The following NR5A2 variants were observed in gnomAD, a reference collection of about 807,000 sequenced individuals.
NR5A2 encodes the protein nuclear receptor subfamily 5 group A member 2.
In NR5A2, 26 loss-of-function variants were observed where a neutral mutation model predicts 62.7. The ratio of observed to expected loss-of-function variants is 0.41; its 90% CI spans 0.30 to 0.58. The LOEUF is 0.58. Ranked by LOEUF, NR5A2 falls within the 20% of genes least tolerant of loss-of-function variation. The pLI, the probability that NR5A2 is intolerant of heterozygous loss-of-function variation, is 0.22. For synonymous variants in NR5A2, 246 were observed against 241.7 expected, an observed-to-expected ratio of 1.02 and a Z score of -0.16; for missense variants, 541 against 669.1, an observed-to-expected ratio of 0.81 and a Z score of 2.11.
chr1:200,153,007 C>A (rs1653201104), intron 7 of NR5A2, among the ~76,000 whole-genome samples: 1 of 152,224 alleles, frequency 6.6e-6, no homozygotes, highest in Non-Finnish European at 1.5e-5. Context: ...CAAGGTTAGC[C>A]TTTCTATTTG....
At chr1:200,049,334 C>T (rs1228263718) in intron 5 of NR5A2, among the ~76,000 whole-genome samples, 1 of 152,108 alleles carries the variant, frequency 6.6e-6, no homozygotes, top group Non-Finnish European at 1.5e-5. Context: ...TTTGCCTTGA[C>T]ATTAGGTTGG....
chr1:200,037,812 CAATT>C (rs1661848676), intron 1 of NR5A2, among the ~76,000 whole-genome samples: 3 of 152,238 alleles, frequency 2.0e-5, no homozygotes, highest in Admixed American at 1.3e-4. Flanking sequence ...AATGACAAAT[CAATT>C]AAGAGTCAGT....
In NR5A2 at chr1:200,048,682, A is replaced by T; in HGVS notation, c.974A>T (p.Tyr325Phe). ...CAAGTCCAGGCTAAAATCATGGCCTATTTGCAGCAAGAGCAGGCTAACCGA... is the reference window on the plus strand; with the variant it reads ...CAAGTCCAGGCTAAAATCATGGCCTTTTTGCAGCAAGAGCAGGCTAACCGA... Reference protein sequence around the residue: ...EPQVQAKIMAYLQQEQANRSK... With the variant: ...EPQVQAKIMAFLQQEQANRSK... The change falls in exon 5 of 8, where the codon TAT (tyrosine) becomes TTT (phenylalanine). Residue 325 changes from tyrosine to phenylalanine, a missense_variant. By Grantham distance (22) the Tyr-to-Phe change is conservative (BLOSUM62 3). Coordinates refer to ENST00000367362, the MANE Select transcript of NR5A2 (RefSeq NM_205860.3). This position sits in a 1 kb window ranked among gnomAD's most constrained non-coding sequence, Gnocchi z 4.8. 1.2e-6 allele frequency: 2 copies of T among 1,614,194 alleles called. No homozygotes were observed. Among genetic ancestry groups the T allele is most frequent in the Non-Finnish European group, 1.7e-6 (2 of 1,180,038 alleles).
intron 7 of NR5A2, among the ~76,000 whole-genome samples, chr1:200,170,098 T>C (rs1019170641): frequency 3.3e-5 from 5 of 152,330 alleles, no homozygotes; most frequent in African/African-American, 1.2e-4. Flanking sequence ...GTCTAGATTT[T>C]GGTTTTTTTA....
chr1:200,068,890 T>A (rs894346917), intron 5 of NR5A2, among the ~76,000 whole-genome samples: 12 of 152,344 alleles, frequency 7.9e-5, no homozygotes, highest in African/African-American at 2.9e-4. Context: ...GATTTAAGTC[T>A]ATACTACCCA....
rs10919798 is a variant in NR5A2 at position 200,030,927 on chromosome 1, C to T, written c.64+3016C>T. On this transcript the variant is annotated intron_variant, in intron 1 of 7. Transcript: ENST00000367362. ...GAGTCTGATTTTATTTCAGTGATAACCTCCAGCAAGCTCTGTGCTCATAAG... is the reference window on the plus strand; with the variant it reads ...GAGTCTGATTTTATTTCAGTGATAATCTCCAGCAAGCTCTGTGCTCATAAG... Among the ~76,000 whole-genome samples the T allele has an allele frequency of 4.8e-3, 728 of 152,304 alleles. 7 individuals are homozygous for T. The highest frequency in any genetic ancestry group is 0.017 in the African/African-American group (704 of 41,566).
intron 7 of NR5A2, among the ~76,000 whole-genome samples, chr1:200,172,109 G>A (rs533589644): frequency 7.2e-5 from 11 of 152,094 alleles, no homozygotes; most frequent in South Asian, 6.2e-4. Context: ...TCACTGTAGC[G>A]TAAAATAATA....
At chr1:200,034,056 A>T (rs1354450067) in intron 1 of NR5A2, among the ~76,000 whole-genome samples, 1 of 152,174 alleles carries the variant, frequency 6.6e-6, no homozygotes, top group Non-Finnish European at 1.5e-5. Flanking sequence ...TCCATCAAGA[A>T]GTTTCCAGTA....
At chr1:200,073,626 C>T (rs887147105) in intron 5 of NR5A2, among the ~76,000 whole-genome samples, 1 of 151,840 alleles carries the variant, frequency 6.6e-6, no homozygotes, top group Non-Finnish European at 1.5e-5. Flanking sequence ...ACTTTTGATC[C>T]ATGGTTGAAT....
At position 200,173,961 on chromosome 1, in the gene NR5A2, A is replaced by G; in HGVS notation, c.1379-2A>G. ...CTTTTTTTTTTTTTTTTTTTAATGCAGATGTCAAAAACCTTGAAAACTTCC... is the reference window on the plus strand; with the variant it reads ...CTTTTTTTTTTTTTTTTTTTAATGCGGATGTCAAAAACCTTGAAAACTTCC... On this transcript the variant is annotated splice_acceptor_variant, in intron 7 of 7. Transcript: ENST00000367362. LOFTEE classifies it high-confidence loss of function. 7.3e-7 allele frequency: 1 copy of G among 1,363,732 alleles called. No individual in the cohort carries two copies. The highest frequency in any genetic ancestry group is 9.5e-7 in the Non-Finnish European group (1 of 1,048,722). 84.5% of individuals were successfully genotyped at this position (1,363,732 alleles called of 1,614,324 possible). A position where few individuals can be genotyped will look rare whatever the true frequency, so the allele number is the denominator to read the frequency against.
At position 200,049,927 on chromosome 1, in the gene NR5A2, T is replaced by G. The variant is rs529805353; in HGVS notation, c.1110+1109T>G. Among the ~76,000 whole-genome samples, 9 of 152,368 alleles carry G rather than the reference T, an allele frequency of 5.9e-5. No homozygotes were observed. In the South Asian group the frequency reaches 1.9e-3, roughly 32 times the overall value. Reference sequence around the variant, plus strand: ...ATAATGCTTTCATAGCAGTCTACATTAAGCACTGTTCTTTGTACATGGAAG... The same window carrying G: ...ATAATGCTTTCATAGCAGTCTACATGAAGCACTGTTCTTTGTACATGGAAG... On this transcript the variant is annotated intron_variant, in intron 5 of 7. Coordinates refer to ENST00000367362, the MANE Select transcript of NR5A2 (RefSeq NM_205860.3).
chr1:200,130,057 A>G (rs748571129), intron 7 of NR5A2, among the ~76,000 whole-genome samples: 1 of 152,214 alleles, frequency 6.6e-6, no homozygotes, highest in African/African-American at 2.4e-5. Context: ...GAAGAGGCAC[A>G]GCAACTTGTT....
intron 6 of NR5A2, among the ~76,000 whole-genome samples, 197 bp downstream of exon 6, chr1:200,111,518 T>A (rs961999287): frequency 2.0e-5 from 3 of 152,184 alleles, no homozygotes; most frequent in African/African-American, 7.2e-5. Context: ...GCAAACATAA[T>A]CATGAACATT....
chr1:200,140,233 T>G (rs1008724456), intron 7 of NR5A2, among the ~76,000 whole-genome samples: 4 of 152,076 alleles, frequency 2.6e-5, no homozygotes. Flanking sequence ...GTGTGCTTCT[T>G]ATTTTCTTTC....
chr1:200,113,890 A>T (rs1666080382), intron 6 of NR5A2, among the ~76,000 whole-genome samples: 1 of 152,160 alleles, frequency 6.6e-6, no homozygotes, highest in Non-Finnish European at 1.5e-5. Context: ...ATTTATAAAA[A>T]AGAAAAGAGG....
chr1:200,127,606 G>T (rs1199195154), intron 7 of NR5A2, among the ~76,000 whole-genome samples: 1 of 144,584 alleles, frequency 6.9e-6, no homozygotes, highest in Non-Finnish European at 1.5e-5. Context: ...CAACCCAGGG[G>T]GCGGAGGTTG....
chr1:200,094,585 T>C (rs1055193078), intron 5 of NR5A2, among the ~76,000 whole-genome samples: 11 of 124,694 alleles, frequency 8.8e-5, no homozygotes, highest in Non-Finnish European at 1.6e-4. Context: ...CAGGCTGGAG[T>C]GCAGTGGTTC....
intron 5 of NR5A2, among the ~76,000 whole-genome samples, chr1:200,066,231 A>C (rs1447520334): frequency 1.3e-5 from 2 of 152,152 alleles, no homozygotes; most frequent in Non-Finnish European, 2.9e-5. Flanking sequence ...TGGACCCAGG[A>C]TACATGTTGA....
intron 5 of NR5A2, among the ~76,000 whole-genome samples, chr1:200,053,428 A>T (rs1433717373): frequency 6.6e-6 from 1 of 152,156 alleles, no homozygotes; most frequent in South Asian, 2.1e-4. Context: ...CTCTTTTTAC[A>T]TATGAAGAAA....
Sources: allele counts gnomAD v4.1 joint callset (sites outside exome capture counted in the v4.1 genomes callset), GRCh38; gene constraint gnomAD v4.1.1; non-coding constraint Gnocchi (gnomAD v3.1); transcripts MANE v1.5; gene names NCBI Gene and HGNC (gene_info 2026-07-23, HGNC 2026-07-21).